The following PLSCR1 variants were observed in gnomAD, a reference collection of about 807,000 sequenced individuals.
The protein encoded by PLSCR1 is PL scramblase 1.
PLSCR1 carries 17 observed loss-of-function variants against 37.8 expected under a neutral mutation model. The ratio of observed to expected loss-of-function variants is 0.45; its 90% CI spans 0.31 to 0.68. PLSCR1 has a LOEUF of 0.68. Ranked by LOEUF, PLSCR1 falls within the 30% of genes least tolerant of loss-of-function variation. PLSCR1 has a pLI of 0.06. For missense variants in PLSCR1, 347 were observed against 380.9 expected (o/e 0.91, Z 0.74); for synonymous variants, 116 against 125.9 (o/e 0.92, Z 0.53).
Position 146,517,322 on chromosome 3 carries a change from T to A in PLSCR1, c.739-155A>T, listed in dbSNP as rs1576778119. Reference sequence around the variant, plus strand: ...GGAGGCTCCTGTATCTATTTATAGATATATGAAAAAAACTGTTTCATTGTA... The same window carrying A: ...GGAGGCTCCTGTATCTATTTATAGAAATATGAAAAAAACTGTTTCATTGTA... On this transcript the variant is annotated intron_variant, in intron 7 of 8. Coordinates refer to ENST00000342435, the MANE Select transcript of PLSCR1 (RefSeq NM_021105.3). 3 of 376,862 alleles carry A rather than the reference T, an allele frequency of 8.0e-6. No homozygotes were observed. In the East Asian group the frequency reaches 1.2e-4, roughly 15 times the overall value. The allele number at this position is 376,862 out of a possible 1,614,324, so 23.3% of individuals were successfully genotyped here.
chr3:146,541,974 C>G (rs1249480420), intron 1 of PLSCR1, among the ~76,000 whole-genome samples: 9 of 152,152 alleles, frequency 5.9e-5, no homozygotes, highest in Non-Finnish European at 1.2e-4. Flanking sequence ...GATGCTGGTG[C>G]CTCCATACAG....
chr3:146,526,990 G>C (rs1267553510), intron 4 of PLSCR1, among the ~76,000 whole-genome samples: 4 of 152,026 alleles, frequency 2.6e-5, no homozygotes, highest in East Asian at 1.9e-4. Flanking sequence ...ATACAAAAAT[G>C]AGCTGGGTGT....
At chr3:146,533,420 CTCTG>C in intron 3 of PLSCR1, 46 bp downstream of exon 3, 1 of 999,296 alleles carries the variant, frequency 1.0e-6, no homozygotes, top group South Asian at 1.5e-5. Context: ...CACTCTCTCT[CTCTG>C]TCTCTCAATT....
chr3:146,521,096 A>G (rs1015939599), intron 7 of PLSCR1, among the ~76,000 whole-genome samples: 1 of 152,142 alleles, frequency 6.6e-6, no homozygotes, highest in African/African-American at 2.4e-5. Flanking sequence ...TCTCAAAACT[A>G]TCTTTGCATA....
At chr3:146,518,822 A>C (rs1490556268) in intron 7 of PLSCR1, among the ~76,000 whole-genome samples, 1 of 152,182 alleles carries the variant, frequency 6.6e-6, no homozygotes, top group Non-Finnish European at 1.5e-5. Context: ...TGGAATAGAA[A>C]ATCACTATAA....
Position 146,528,650 on chromosome 3 carries a change from TG to T in PLSCR1, c.275del (p.Pro92HisfsTer2), listed in dbSNP as rs2044152300. 1.2e-6 allele frequency: 2 copies of T among 1,614,154 alleles called. No individual in the cohort carries two copies. The highest frequency in any genetic ancestry group is 1.7e-6 in the Non-Finnish European group (2 of 1,179,980). ...ATTCTAATCCAGGTGGACAGTTTAA[TG>T]GAGGCTGTGGCGCTGGCATCCATGG... The part of the protein sequence containing the change: ...GVPWMPAPQP[P>X]LNCPPGLEYL... On this transcript the variant is annotated frameshift_variant, in exon 4 of 9. Transcript: ENST00000342435. LOFTEE classifies it high-confidence loss of function.
intron 4 of PLSCR1, among the ~76,000 whole-genome samples, chr3:146,527,446 C>G (rs1017146222): frequency 2.0e-5 from 3 of 152,102 alleles, no homozygotes; most frequent in Non-Finnish European, 4.4e-5. Flanking sequence ...AGACTGTACT[C>G]CATAAATATG....
At chr3:146,518,786 A>G (rs893506849) in intron 7 of PLSCR1, among the ~76,000 whole-genome samples, 2 of 152,194 alleles carry the variant, frequency 1.3e-5, no homozygotes, top group African/African-American at 2.4e-5. Context: ...AGGACTAGAT[A>G]ATTTTTAGCT....
At chr3:146,534,352 T>C (rs1018184329) in intron 2 of PLSCR1, among the ~76,000 whole-genome samples, 5 of 138,702 alleles carry the variant, frequency 3.6e-5, no homozygotes, top group African/African-American at 8.3e-5. Flanking sequence ...ACTACACTTA[T>C]CTCCTTATCT....
chr3:146,541,356 C>T (rs898684481), intron 1 of PLSCR1, among the ~76,000 whole-genome samples: 4 of 152,160 alleles, frequency 2.6e-5, no homozygotes, highest in African/African-American at 7.2e-5. Context: ...GAAACAAATA[C>T]TGAATCAGTT....
At position 146,522,046 on chromosome 3, in the gene PLSCR1, T is replaced by C. The variant is rs2044030513; in HGVS notation, c.363A>G (p.Thr121=). ...HQQIELLEVL[T]GFETNNKYEI... ...CATATTTGTTATTAGTTTCAAAACC[T>C]GTTAAAACTAAAAACATAAAAGACG... The change falls in exon 6 of 9, where the codon ACA becomes ACG. Residue 121 remains threonine, a synonymous_variant. Coordinates refer to ENST00000342435, the MANE Select transcript of PLSCR1 (RefSeq NM_021105.3). 1.3e-6 allele frequency: 2 copies of C among 1,557,512 alleles called. No homozygotes were observed. The highest frequency in any genetic ancestry group is 1.8e-6 in the Non-Finnish European group (2 of 1,128,354).
At chr3:146,539,105 A>G (rs1292582000) in intron 1 of PLSCR1, among the ~76,000 whole-genome samples, 2 of 152,220 alleles carry the variant, frequency 1.3e-5, no homozygotes, top group Non-Finnish European at 2.9e-5. Context: ...TATACAATTC[A>G]TTATAAGGTA....
In PLSCR1 at chr3:146,516,998, A is replaced by C; in HGVS notation, c.900+8T>G. 1 of 1,546,588 alleles carries C rather than the reference A, an allele frequency of 6.5e-7. No individual in the cohort carries two copies. Among genetic ancestry groups the C allele is most frequent in the Non-Finnish European group, 8.8e-7 (1 of 1,138,760 alleles). On this transcript the variant is annotated splice_region_variant and intron_variant, in intron 8 of 8. Coordinates refer to ENST00000342435, the MANE Select transcript of PLSCR1 (RefSeq NM_021105.3). ...ATCTATAATCAAGATTAATAAGAAC[A>C]GACTTACAATGAGGAAACAGGCACC...
In PLSCR1 at chr3:146,528,404, T is replaced by C. The variant is rs1339709590; in HGVS notation, c.312+210A>G. ...TTTGCTATTGGCCATTATCATAGAT[T>C]GTATTTAAGATAACAGAAAATACAA... On this transcript the variant is annotated intron_variant, in intron 4 of 8. Transcript: ENST00000342435. 2.1e-5 allele frequency: 12 copies of C among 577,672 alleles called. 1 individual carries two copies. Among genetic ancestry groups the C allele is most frequent in the South Asian group, 6.2e-5 (3 of 48,672 alleles). 35.8% of individuals were successfully genotyped at this position (577,672 alleles called of 1,614,324 possible).
intron 7 of PLSCR1, among the ~76,000 whole-genome samples, chr3:146,518,687 C>T (rs1190560570): frequency 2.0e-5 from 3 of 152,040 alleles, no homozygotes; most frequent in East Asian, 3.9e-4. Flanking sequence ...TTTTTGATTA[C>T]TACAGCAAGA....
intron 1 of PLSCR1, among the ~76,000 whole-genome samples, chr3:146,539,810 TG>T (rs1560091737): frequency 1.3e-5 from 2 of 152,216 alleles, no homozygotes; most frequent in African/African-American, 4.8e-5. Flanking sequence ...TCTCAAGCAT[TG>T]AAAGTGGTAT....
intron 3 of PLSCR1, among the ~76,000 whole-genome samples, chr3:146,529,904 C>T (rs2044172948): frequency 6.6e-6 from 1 of 152,052 alleles, no homozygotes; most frequent in Non-Finnish European, 1.5e-5. Flanking sequence ...TATTGCTTTC[C>T]TAAGTCCTTC....
intron 3 of PLSCR1, among the ~76,000 whole-genome samples, chr3:146,532,000 C>T (rs1462863621): frequency 6.6e-6 from 1 of 152,082 alleles, no homozygotes; most frequent in Non-Finnish European, 1.5e-5. Flanking sequence ...AAGTGTTAGT[C>T]CACATTAACT....
At chr3:146,517,932 T>A (rs150962945) in intron 7 of PLSCR1, among the ~76,000 whole-genome samples, 1 of 152,196 alleles carries the variant, frequency 6.6e-6, no homozygotes, top group Non-Finnish European at 1.5e-5. Context: ...CAAAACTATG[T>A]ACACATATAG....
Sources: gnomAD v4.1 joint callset for allele counts (sites outside exome capture counted in the v4.1 genomes callset) on GRCh38, gnomAD v4.1.1 for gene constraint, MANE v1.5 for transcripts, NCBI Gene and HGNC (gene_info 2026-07-23, HGNC 2026-07-21) for gene names.